Variants in CLIP2 observed in about 807,000 individuals in gnomAD.
CLIP2 encodes the protein CAP-Gly domain containing linker protein 2.
Under a neutral mutation model 111.7 loss-of-function variants are expected in CLIP2, and 41 were observed. The observed-to-expected ratio is 0.37, with a 90% confidence interval of 0.29 to 0.48. The LOEUF is 0.48. CLIP2 is among the 20% of genes least tolerant of loss of function. The pLI, the probability that CLIP2 is intolerant of heterozygous loss-of-function variation, is 0.99. For synonymous variants in CLIP2, 660 were observed against 644.2 expected (o/e 1.02, Z -0.37); for missense variants, 1,160 against 1,422.1 (o/e 0.82, Z 2.96).
intron 8 of CLIP2, among the ~76,000 whole-genome samples, chr7:74,366,705 C>T (rs559492319): frequency 7.2e-5 from 11 of 152,112 alleles, no homozygotes; most frequent in East Asian, 1.9e-4. Context: ...GGTGAAACAC[C>T]GTCTCTACTG....
At chr7:74,330,391 G>T (rs1164587527) in intron 2 of CLIP2, among the ~76,000 whole-genome samples, 2 of 151,574 alleles carry the variant, frequency 1.3e-5, no homozygotes, top group African/African-American at 4.8e-5. Context: ...CGAGTAGCTG[G>T]GATTACAGGT....
intron 11 of CLIP2, among the ~76,000 whole-genome samples, chr7:74,385,773 G>A (rs1350009678): frequency 1.3e-4 from 17 of 130,650 alleles, no homozygotes; most frequent in Non-Finnish European, 6.2e-5. Flanking sequence ...ACAGAGTTTC[G>A]CTCTTGTTGC....
At chr7:74,343,954 T>G (rs1789735935) in intron 3 of CLIP2, among the ~76,000 whole-genome samples, 1 of 151,926 alleles carries the variant, frequency 6.6e-6, no homozygotes, top group South Asian at 2.1e-4. Flanking sequence ...TGAGTCATAG[T>G]CTGCAAGGAG....
intron 3 of CLIP2, among the ~76,000 whole-genome samples, chr7:74,351,369 C>G (rs1415820987): frequency 7.2e-6 from 1 of 139,028 alleles, no homozygotes; most frequent in Non-Finnish European, 1.5e-5. Flanking sequence ...GGGAGGATCG[C>G]TTGTCCAGGA....
intron 7 of CLIP2, among the ~76,000 whole-genome samples, chr7:74,360,982 G>C (rs1000304157): frequency 2.0e-5 from 3 of 152,036 alleles, no homozygotes; most frequent in Non-Finnish European, 2.9e-5. Context: ...CGTGCACCAG[G>C]AAGAAGGCTG....
chr7:74,358,747 T>G (rs1451560686), intron 6 of CLIP2, among the ~76,000 whole-genome samples: 1 of 151,890 alleles, frequency 6.6e-6, no homozygotes, highest in African/African-American at 2.4e-5. Flanking sequence ...ATTTTGTATT[T>G]TTTTGTGGAG....
At chr7:74,371,142 G>C (rs1355009163) in intron 8 of CLIP2, among the ~76,000 whole-genome samples, 1 of 151,586 alleles carries the variant, frequency 6.6e-6, no homozygotes, top group Non-Finnish European at 1.5e-5. Flanking sequence ...TACTCGGGAG[G>C]CTGAGGCTGG....
intron 1 of CLIP2, among the ~76,000 whole-genome samples, chr7:74,296,481 G>C (rs571961405): frequency 6.7e-6 from 1 of 150,214 alleles, no homozygotes; most frequent in East Asian, 2.0e-4. Context: ...CCACACTCCA[G>C]CCTGAGCAAC....
intron 1 of CLIP2, among the ~76,000 whole-genome samples, chr7:74,313,696 G>A (rs1182611907): frequency 2.2e-5 from 2 of 91,118 alleles, no homozygotes; most frequent in African/African-American, 5.4e-5. Context: ...AACCAGGATG[G>A]CCCCTGCAGC....
chr7:74,373,803 C>G (rs782206357), intron 9 of CLIP2, among the ~76,000 whole-genome samples: 1 of 152,040 alleles, frequency 6.6e-6, no homozygotes, highest in Non-Finnish European at 1.5e-5. Context: ...GATCTCTTCC[C>G]GGTTTCTCTG....
chr7:74,388,134 A>G (rs1235603621), intron 12 of CLIP2, among the ~76,000 whole-genome samples: 1 of 152,136 alleles, frequency 6.6e-6, no homozygotes, highest in African/African-American at 2.4e-5. Flanking sequence ...GTTTCAGACC[A>G]GCCTGGCCAA....
At chr7:74,360,702 C>T (rs1790303143) in intron 7 of CLIP2, among the ~76,000 whole-genome samples, 1 of 152,168 alleles carries the variant, frequency 6.6e-6, no homozygotes, top group South Asian at 2.1e-4. Flanking sequence ...AGGCGTCCCC[C>T]ACCACGCCTG....
chr7:74,355,655 G>A (rs1790123272), intron 4 of CLIP2, among the ~76,000 whole-genome samples: 1 of 152,208 alleles, frequency 6.6e-6, no homozygotes, highest in Admixed American at 6.6e-5. Context: ...GTGGTCCAGT[G>A]TGGAATCCGT....
At position 74,295,681 on chromosome 7, in the gene CLIP2, A is replaced by T. The variant is rs116880835; in HGVS notation, c.-68+5947A>T. Among the ~76,000 whole-genome samples, 38 of 152,308 alleles carry T rather than the reference A, an allele frequency of 2.5e-4. 1 individual carries two copies. In the East Asian group the frequency reaches 6.8e-3, roughly 27 times the overall value. ...AAAGGACTTGAGGTGATTTACAAAG[A>T]TAAACGCAGTATAACCAGATTAAAA... is the stretch of plus-strand genomic sequence containing the variant. On this transcript the variant is annotated intron_variant, in intron 1 of 16. Transcript: ENST00000223398.
intron 10 of CLIP2, 173 bp from the exon 11 acceptor site, chr7:74,380,633 T>G: frequency 1.9e-6 from 1 of 520,654 alleles, no homozygotes; most frequent in Non-Finnish European, 3.4e-6. Context: ...GTCAGGGAGG[T>G]CCGACTGAGG....
chr7:74,340,753 G>T (rs1275663988), intron 3 of CLIP2, among the ~76,000 whole-genome samples: 1 of 152,136 alleles, frequency 6.6e-6, no homozygotes, highest in Non-Finnish European at 1.5e-5. Flanking sequence ...GAGACTCATA[G>T]GGTACAGGGA....
chr7:74,342,689 G>A (rs1279123709), intron 3 of CLIP2, among the ~76,000 whole-genome samples: 1 of 152,070 alleles, frequency 6.6e-6, no homozygotes, highest in Non-Finnish European at 1.5e-5. Context: ...CGAGGTAGGC[G>A]GATCACTTGA....
intron 2 of CLIP2, among the ~76,000 whole-genome samples, chr7:74,318,603 C>G (rs566289566): frequency 6.6e-6 from 1 of 152,012 alleles, no homozygotes. Context: ...GTCCCAGCTA[C>G]TTGGGAGGCT....
intron 15 of CLIP2, 136 bp from the exon 16 acceptor site, chr7:74,401,369 G>A (rs937330961): frequency 3.4e-5 from 26 of 764,270 alleles, no homozygotes; most frequent in Non-Finnish European, 4.9e-5. Flanking sequence ...GTCTTTGGGG[G>A]TGCTGGGAGC....
Sources: allele counts gnomAD v4.1 joint callset (sites outside exome capture counted in the v4.1 genomes callset), GRCh38; gene constraint gnomAD v4.1.1; transcripts MANE v1.5; gene names NCBI Gene and HGNC (gene_info 2026-07-23, HGNC 2026-07-21).